The following UNC79 variants were observed in gnomAD, a reference collection of about 807,000 sequenced individuals.
UNC79 encodes unc-79 subunit of NALCN channel complex.
UNC79 carries 37 observed loss-of-function variants against 283.1 expected under a neutral mutation model. The observed-to-expected ratio is 0.13, with a 90% CI of 0.10 to 0.17. UNC79 has a LOEUF of 0.17. Ranked by LOEUF, UNC79 falls within the 10% of genes least tolerant of loss-of-function variation. UNC79 has a pLI of 1.00. For missense variants in UNC79, 2,272 were observed against 3,211.1 expected, an observed-to-expected ratio of 0.71 and a Z score of 7.07; for synonymous variants, 1,107 against 1,200.2, an observed-to-expected ratio of 0.92 and a Z score of 1.61.
chr14:93,584,672 C>G (rs182736985), intron 20 of UNC79, among the ~76,000 whole-genome samples: 65 of 152,240 alleles, frequency 4.3e-4, no homozygotes, highest in Non-Finnish European at 7.4e-4. Flanking sequence ...TTTATTGGAG[C>G]AATGGTTAAA....
chr14:93,551,959 G>A (rs1311619507), intron 14 of UNC79, among the ~76,000 whole-genome samples: 1 of 152,208 alleles, frequency 6.6e-6, no homozygotes, highest in African/African-American at 2.4e-5. Flanking sequence ...GAGACCTGTA[G>A]GGACTAGAAT....
In UNC79 at chr14:93,474,339, G is replaced by T; in HGVS notation, c.394G>T (p.Val132Leu). 1 of 1,536,016 alleles carries T rather than the reference G, an allele frequency of 6.5e-7. No individual in the cohort carries two copies. The highest frequency in any genetic ancestry group is 2.0e-5 in the Admixed American group (1 of 51,000). The change falls in exon 3 of 49, where the codon GTG (valine) becomes TTG (leucine). Residue 132 changes from valine (V) to leucine (L), a missense_variant. Physicochemically the swap from Val to Leu is conservative, Grantham distance 32. This residue lies in a region of UNC79 where 194 missense variants were observed against 268.9 expected (regional missense o/e 0.72). Transcript: ENST00000555664. This position sits in a 1 kb window ranked among gnomAD's most constrained non-coding sequence, Gnocchi z 4.1. ...TTCTTTGGACTACCAAGGCCTCTAC[G>T]TGACTTTGGTGACCCTCCTGGATCT...
At chr14:93,529,165 C>A in intron 9 of UNC79, 121 bp from the exon 10 acceptor site, 2 of 898,840 alleles carry the variant, frequency 2.2e-6, no homozygotes, top group Non-Finnish European at 3.4e-6. Context: ...TATGATAGTG[C>A]TCTTAATTAT....
chr14:93,592,306 G>A (rs984469274), intron 22 of UNC79, among the ~76,000 whole-genome samples: 1 of 151,334 alleles, frequency 6.6e-6, no homozygotes, highest in Non-Finnish European at 1.5e-5. Flanking sequence ...CCCTGAGTAG[G>A]TGGGACTACA....
chr14:93,598,147 CACCT>C (rs1226099844), intron 24 of UNC79, among the ~76,000 whole-genome samples: 3 of 152,166 alleles, frequency 2.0e-5, no homozygotes, highest in South Asian at 4.2e-4. Context: ...TCACCACACC[CACCT>C]AATTTTTAAC....
At chr14:93,706,548 G>A (rs557939984) in intron 48 of UNC79, among the ~76,000 whole-genome samples, 156 bp from the exon 52 acceptor site, 1 of 152,164 alleles carries the variant, frequency 6.6e-6, no homozygotes, top group Non-Finnish European at 1.5e-5. Flanking sequence ...GCGATCCCCC[G>A]CCCTGGGCAC....
chr14:93,697,142 A>T (rs1006848299), intron 47 of UNC79, among the ~76,000 whole-genome samples: 4 of 151,298 alleles, frequency 2.6e-5, no homozygotes, highest in South Asian at 4.2e-4. Context: ...TTTTATTTTT[A>T]TTTTTTTTCC....
intron 40 of UNC79, among the ~76,000 whole-genome samples, chr14:93,670,706 AC>A (rs1235984068): frequency 2.6e-5 from 4 of 152,118 alleles, no homozygotes; most frequent in Non-Finnish European, 5.9e-5. Flanking sequence ...CCAGCCATCA[AC>A]CCTTCTAAGC....
intron 1 of UNC79, among the ~76,000 whole-genome samples, chr14:93,466,672 A>G (rs1374647435): frequency 1.3e-5 from 2 of 152,190 alleles, no homozygotes; most frequent in Admixed American, 6.5e-5. Flanking sequence ...CCAGGACTTG[A>G]TATGTCTTCT....
At position 93,474,157 on chromosome 14, in the gene UNC79, G is replaced by A. The variant is rs2057672213; in HGVS notation, c.212G>A (p.Cys71Tyr). The change falls in exon 3 of 49, where the codon TGT (cysteine) becomes TAT (tyrosine). Residue 71 changes from cysteine to tyrosine, a missense_variant. Cys to Tyr is a radical substitution (Grantham distance 194). This residue lies in a region of UNC79 where 194 missense variants were observed against 268.9 expected (regional missense o/e 0.72). Coordinates refer to ENST00000555664, the Ensembl canonical transcript of UNC79. The surrounding 1 kb of genome is among the most constrained non-coding windows in gnomAD (Gnocchi z 4.1). Reference sequence around the variant, plus strand: ...AATTTGACAGTGCCCATGACCATGTGTCTTTTTCCTGTGCCATTCCCACTC... The same window carrying A: ...AATTTGACAGTGCCCATGACCATGTATCTTTTTCCTGTGCCATTCCCACTC... The A allele has an allele frequency of 5.9e-6, 9 of 1,536,056 alleles. No individual in the cohort carries two copies. The highest frequency in any genetic ancestry group is 7.8e-6 in the Non-Finnish European group (9 of 1,146,866).
chr14:93,678,147 C>T (rs1032560131), intron 41 of UNC79, among the ~76,000 whole-genome samples: 1 of 152,206 alleles, frequency 6.6e-6, no homozygotes, highest in Non-Finnish European at 1.5e-5. Flanking sequence ...CTTGGACAAC[C>T]AGGCTTACAT....
chr14:93,417,088 C>T (rs964628715), intron 1 of UNC79, among the ~76,000 whole-genome samples: 3 of 152,134 alleles, frequency 2.0e-5, no homozygotes, highest in South Asian at 2.1e-4. Context: ...TTATTTTGCT[C>T]GTTAGTTGAT....
intron 35 of UNC79, 81 bp downstream of exon 38, chr14:93,646,727 G>C: frequency 6.6e-7 from 1 of 1,517,690 alleles, no homozygotes; most frequent in Non-Finnish European, 9.1e-7. Context: ...CACCAGTGTG[G>C]GGCTGGGTGC....
intron 47 of UNC79, among the ~76,000 whole-genome samples, chr14:93,701,721 G>A (rs187053493): frequency 5.3e-4 from 81 of 152,272 alleles, no homozygotes; most frequent in African/African-American, 1.8e-3. Context: ...GTTATATAAT[G>A]TCATCAATAA....
chr14:93,632,100 T>C (rs894724281), intron 31 of UNC79, among the ~76,000 whole-genome samples: 1 of 152,208 alleles, frequency 6.6e-6, no homozygotes, highest in Admixed American at 6.5e-5. Context: ...ATCTACTAAG[T>C]GATAGATTCA....
intron 31 of UNC79, among the ~76,000 whole-genome samples, chr14:93,635,902 T>A (rs2068470721): frequency 6.6e-6 from 1 of 152,246 alleles, no homozygotes; most frequent in Non-Finnish European, 1.5e-5. Context: ...AAGAGGACTG[T>A]GCTTTCTTCT....
At chr14:93,468,056 A>G in intron 2 of UNC79, among the ~76,000 whole-genome samples, 1 of 152,116 alleles carries the variant, frequency 6.6e-6, no homozygotes. Flanking sequence ...ACAGTTCTAT[A>G]TTTGGCACTA....
chr14:93,485,156 A>G (rs2058346184), intron 4 of UNC79, among the ~76,000 whole-genome samples: 1 of 151,448 alleles, frequency 6.6e-6, no homozygotes, highest in Non-Finnish European at 1.5e-5. Context: ...CAAAGGTGAA[A>G]CACTTGTCCC....
intron 1 of UNC79, among the ~76,000 whole-genome samples, chr14:93,333,869 G>C (rs987783167): frequency 6.6e-6 from 1 of 152,220 alleles, no homozygotes; most frequent in Admixed American, 6.5e-5. Context: ...TTACAACCAA[G>C]GAGACAGGCT....
Sources: allele counts gnomAD v4.1 joint callset (sites outside exome capture counted in the v4.1 genomes callset), GRCh38; gene constraint gnomAD v4.1.1; regional missense constraint gnomAD v4.1.1; non-coding constraint Gnocchi (gnomAD v3.1); transcripts MANE v1.5; gene names NCBI Gene and HGNC (gene_info 2026-07-23, HGNC 2026-07-21).